ANO1: variants seen among roughly 807,000 people sequenced by gnomAD.
ANO1 encodes the protein anoctamin-1.
Under a neutral mutation model 124.0 loss-of-function variants are expected in ANO1, and 59 were observed. The ratio of observed to expected loss-of-function variants is 0.48; its 90% CI spans 0.39 to 0.59. The LOEUF (loss-of-function observed/expected upper bound fraction) is 0.59, where lower values mean the gene tolerates loss of function less well. Ranked by LOEUF, ANO1 falls within the 20% of genes least tolerant of loss-of-function variation. ANO1 has a pLI of 0.00. For missense variants in ANO1, 1,059 were observed against 1,328.0 expected (o/e 0.80, Z 3.15); for synonymous variants, 529 against 532.0 (o/e 0.99, Z 0.08).
chr11:70,123,709 G>A (rs1374855073), intron 8 of ANO1, among the ~76,000 whole-genome samples: 1 of 152,214 alleles, frequency 6.6e-6, no homozygotes, highest in African/African-American at 2.4e-5. Context: ...CGGGCATGAT[G>A]TATGAGCCTG....
chr11:69,973,367 C>T, the ANO1 span, among the ~76,000 whole-genome samples: 1 of 152,208 alleles, frequency 6.6e-6, no homozygotes, highest in Admixed American at 6.5e-5. Flanking sequence ...CTCAGCACTT[C>T]GACCTGCGTC....
At chr11:70,131,183 T>C (rs965597256) in intron 10 of ANO1, among the ~76,000 whole-genome samples, 3 of 152,040 alleles carry the variant, frequency 2.0e-5, no homozygotes, top group African/African-American at 7.2e-5. Flanking sequence ...ACCCCAGAGG[T>C]GAATGTTCCA....
At chr11:70,009,002 G>C (rs34906317) in intron 1 of ANO1, among the ~76,000 whole-genome samples, 42,817 of 152,090 alleles carry the variant, frequency 0.28, 6,557 homozygotes, top group African/African-American at 0.41. Flanking sequence ...GAGTTTCCAG[G>C]CAGACTAAGG....
chr11:70,070,511 G>A (rs964095308), intron 1 of ANO1, among the ~76,000 whole-genome samples: 8 of 152,016 alleles, frequency 5.3e-5, no homozygotes, highest in Non-Finnish European at 8.8e-5. Flanking sequence ...GGTGAAACCC[G>A]GTCTCTACTA....
chr11:70,057,988 G>A (rs1555007150), intron 1 of ANO1, among the ~76,000 whole-genome samples: 2 of 152,216 alleles, frequency 1.3e-5, no homozygotes, highest in East Asian at 1.9e-4. Context: ...GGGCTGCTTT[G>A]AGCAGGATTG....
At chr11:70,138,702 G>A (rs2047041505) in intron 11 of ANO1, among the ~76,000 whole-genome samples, 1 of 152,024 alleles carries the variant, frequency 6.6e-6, no homozygotes, top group Admixed American at 6.5e-5. Context: ...TCGTAAGCAG[G>A]GCTTGAACCC....
At chr11:70,130,800 G>A (rs974900375) in intron 10 of ANO1, among the ~76,000 whole-genome samples, 8 of 152,212 alleles carry the variant, frequency 5.3e-5, no homozygotes, top group Admixed American at 2.6e-4. Context: ...TGAGCCTACA[G>A]GGTGGGCCTC....
chr11:70,136,356 T>A (rs1047805511), intron 11 of ANO1, among the ~76,000 whole-genome samples: 8 of 152,186 alleles, frequency 5.3e-5, no homozygotes, highest in African/African-American at 1.9e-4. Context: ...AAGGGAGGGA[T>A]GCCTGGGTAC....
intron 22 of ANO1, among the ~76,000 whole-genome samples, chr11:70,177,744 C>T (rs61885517): frequency 0.011 from 1,712 of 151,780 alleles, 14 homozygotes; most frequent in Middle Eastern, 0.034. Flanking sequence ...GGATTACAGG[C>T]GCCCGCCACC....
At chr11:70,123,733 G>A (rs1484834327) in intron 8 of ANO1, among the ~76,000 whole-genome samples, 1 of 152,128 alleles carries the variant, frequency 6.6e-6, no homozygotes, top group Non-Finnish European at 1.5e-5. Context: ...TTTGAGTTGA[G>A]GTCTGTAAAG....
At chr11:70,178,399 C>T (rs1312133677) in intron 22 of ANO1, among the ~76,000 whole-genome samples, 1 of 152,120 alleles carries the variant, frequency 6.6e-6, no homozygotes, top group African/African-American at 2.4e-5. Flanking sequence ...GAAAAATAAA[C>T]TGAGGACCAC....
the ANO1 span, among the ~76,000 whole-genome samples, chr11:69,971,140 C>T: frequency 6.6e-6 from 1 of 152,190 alleles, no homozygotes; most frequent in Admixed American, 6.5e-5. Context: ...AGGTTCAGGA[C>T]AGAATTCCTA....
At chr11:70,019,236 AAC>A (rs1491251459) in intron 1 of ANO1, among the ~76,000 whole-genome samples, 11 of 24,000 alleles carry the variant, frequency 4.6e-4, no homozygotes, top group South Asian at 1.4e-3. Flanking sequence ...GGGAAAGAAG[AAC>A]CCCCCCACAC....
chr11:70,047,964 G>A (rs563714228), intron 1 of ANO1, among the ~76,000 whole-genome samples: 78 of 152,280 alleles, frequency 5.1e-4, no homozygotes, highest in Admixed American at 9.2e-4. Context: ...ATCAAAGCCC[G>A]CTTCCAAATG....
chr11:70,120,422 G>T (rs1294380009), intron 8 of ANO1, among the ~76,000 whole-genome samples: 4 of 152,168 alleles, frequency 2.6e-5, no homozygotes, highest in Non-Finnish European at 5.9e-5. Context: ...GCCTCCCCCT[G>T]CCAGGGCACT....
chr11:70,134,762 G>A (rs1027428918), intron 11 of ANO1, among the ~76,000 whole-genome samples: 1 of 152,154 alleles, frequency 6.6e-6, no homozygotes, highest in Admixed American at 6.6e-5. Context: ...ACACTGTGCC[G>A]GGCCCCAGGG....
intron 2 of ANO1, among the ~76,000 whole-genome samples, chr11:70,096,284 G>A (rs886430373): frequency 7.9e-5 from 12 of 152,194 alleles, no homozygotes; most frequent in African/African-American, 2.7e-4. Flanking sequence ...CATGGCTGTA[G>A]GGGCCAGAGC....
In ANO1 at chr11:70,188,919, T is replaced by A. The variant is rs532334251; in HGVS notation, c.*915T>A. 1.9e-4 allele frequency: 29 copies of A among 152,348 alleles called. No homozygotes were observed. Among genetic ancestry groups the A allele is most frequent in the South Asian group, 6.2e-4 (3 of 4,814 alleles). 9.4% of individuals were successfully genotyped at this position (152,348 alleles called of 1,614,324 possible). On this transcript the variant is annotated 3_prime_UTR_variant, in exon 26 of 26. Coordinates refer to ENST00000355303, the MANE Select transcript of ANO1 (RefSeq NM_018043.7). ...TTCAAATATCAATTATATGGTAGAT[T>A]GAGGATTTTTTTTCTGTAGCTCAAA... is the stretch of plus-strand genomic sequence containing the variant.
chr11:70,102,098 C>T (rs577701575), intron 2 of ANO1, among the ~76,000 whole-genome samples: 46 of 152,320 alleles, frequency 3.0e-4, no homozygotes, highest in African/African-American at 9.6e-4. Flanking sequence ...CTCTATTAAA[C>T]GCGAAATCCA....
Sources: allele counts gnomAD v4.1 joint callset (sites outside exome capture counted in the v4.1 genomes callset), GRCh38; gene constraint gnomAD v4.1.1; transcripts MANE v1.5; gene names NCBI Gene and HGNC (gene_info 2026-07-23, HGNC 2026-07-21).